The following SHC2 variants were observed in gnomAD, a reference collection of about 807,000 sequenced individuals.
SHC2 encodes SHC adaptor protein 2.
A neutral mutation model predicts 60.6 loss-of-function variants in SHC2; 62 were observed. The observed-to-expected ratio is 1.02, with a 90% CI of 0.83 to 1.26. The LOEUF (loss-of-function observed/expected upper bound fraction) is 1.26, where lower values mean the gene tolerates loss of function less well. Ranked by LOEUF, SHC2 falls within the 50% of genes most tolerant of loss-of-function variation. The pLI is 0.00. For synonymous variants in SHC2, 375 were observed against 372.4 expected, an observed-to-expected ratio of 1.01 and a Z score of -0.08; for missense variants, 873 against 822.2, an observed-to-expected ratio of 1.06 and a Z score of -0.76.
rs752251911 is a variant in SHC2, at chr19:441,976, G to A, written c.469-1044C>T. The stretch of plus-strand genomic sequence containing the variant: ...CGGCCCAGGCTCTGCCCCTCTCCAC[G>A]GCTCCATGTACCTGGAGCAGGGAGA... On this transcript the variant is annotated intron_variant, in intron 1 of 12. Coordinates refer to ENST00000264554, the MANE Select transcript of SHC2 (RefSeq NM_012435.3). The surrounding 1 kb of genome is among the most constrained non-coding windows in gnomAD (Gnocchi z 4.9). Among the ~76,000 whole-genome samples, 1 of 152,168 alleles carries A rather than the reference G, an allele frequency of 6.6e-6. No individual in the cohort carries two copies. The highest frequency in any genetic ancestry group is 2.4e-5 in the African/African-American group (1 of 41,438).
At position 434,813 on chromosome 19, in the gene SHC2, GCTCCAAAGAGTC is replaced by G. The variant is rs781534731; in HGVS notation, c.994_1005del (p.Asp332_Glu335del). The G allele has an allele frequency of 1.2e-6, 2 of 1,612,810 alleles. No homozygotes were observed. The highest frequency in any genetic ancestry group is 2.2e-5 in the South Asian group (2 of 91,078). ...CCCGGGATGCTGTTGTAGTAATTGT[GCTCCAAAGAGTC>G]CTCCTCGTCCCCCCAGGCCGACTCC... On this transcript the variant is annotated inframe_deletion, in exon 8 of 13. Transcript: ENST00000264554.
chr19:437,100 G>A lies in SHC2; in HGVS notation c.721-417C>T, dbSNP rs73507727. Among the ~76,000 whole-genome samples the A allele has an allele frequency of 5.0e-3, 768 of 152,232 alleles. 6 individuals are homozygous for A. The highest frequency in any genetic ancestry group is 0.016 in the African/African-American group (678 of 41,554). On this transcript the variant is annotated intron_variant, in intron 4 of 12. Coordinates refer to ENST00000264554, the MANE Select transcript of SHC2 (RefSeq NM_012435.3). The stretch of plus-strand genomic sequence containing the variant: ...CCACACTCCTGACTCCCTTGTCCAC[G>A]TGCAAGGGCACCTGTGAGTGCATTT...
rs1019710760 is a variant in SHC2, at chr19:446,242, C to T, written c.469-5310G>A. ...AGCCCTGCCCACACCTTGGCTCGGACGTTGGGCCCCAGAACTGTGACAGAA... is the reference window on the plus strand; with the variant it reads ...AGCCCTGCCCACACCTTGGCTCGGATGTTGGGCCCCAGAACTGTGACAGAA... On this transcript the variant is annotated intron_variant, in intron 1 of 12. Transcript: ENST00000264554. This position sits in a 1 kb window ranked among gnomAD's most constrained non-coding sequence, Gnocchi z 5.4. Among the ~76,000 whole-genome samples, 10 of 152,186 alleles carry T rather than the reference C, an allele frequency of 6.6e-5. No individual in the cohort carries two copies. Among genetic ancestry groups the T allele is most frequent in the African/African-American group, 7.2e-5 (3 of 41,546 alleles).
intron 1 of SHC2, among the ~76,000 whole-genome samples, chr19:449,579 G>C (rs545532687): frequency 6.6e-6 from 1 of 152,226 alleles, no homozygotes; most frequent in African/African-American, 2.4e-5. Context: ...TTTGAGGGTA[G>C]AGGGGTATCA....
intron 11 of SHC2, among the ~76,000 whole-genome samples, chr19:421,371 GC>G: frequency 6.9e-6 from 1 of 144,202 alleles, no homozygotes; most frequent in Admixed American, 7.2e-5. Flanking sequence ...TTGCATTCCA[GC>G]CGGGGCAACA....
At position 425,693 on chromosome 19, in the gene SHC2, TTTCC is replaced by T. The variant is rs1291214734; in HGVS notation, c.1175-466_1175-463del. 1.3e-5 allele frequency among the ~76,000 whole-genome samples: 2 copies of T among 152,164 alleles called. No individual in the cohort carries two copies. The highest frequency in any genetic ancestry group is 2.4e-5 in the African/African-American group (1 of 41,442). ...TTCTGACTCAGTTCTATTTCAGGAT[TTTCC>T]TTCCTTTCTTTTTTTAATTGTATTT... is the stretch of plus-strand genomic sequence containing the variant. On this transcript the variant is annotated intron_variant, in intron 9 of 12. Coordinates refer to ENST00000264554, the MANE Select transcript of SHC2 (RefSeq NM_012435.3). This position sits in a 1 kb window ranked among gnomAD's most constrained non-coding sequence, Gnocchi z 4.1.
intron 4 of SHC2, among the ~76,000 whole-genome samples, chr19:437,769 C>G (rs977876823): frequency 6.6e-6 from 1 of 152,054 alleles, no homozygotes; most frequent in Non-Finnish European, 1.5e-5. Context: ...TGCTGTCTCA[C>G]CCCAAACTCC....
At chr19:443,332 GGGTGGATGGATGTGTA>G (rs1974957384) in intron 1 of SHC2, among the ~76,000 whole-genome samples, 2 of 131,066 alleles carry the variant, frequency 1.5e-5, no homozygotes, top group South Asian at 2.2e-4. Flanking sequence ...ATGGATGGAT[GGGTGGATGGATGTGTA>G]GGTGGATGGG....
rs1405895167 is a variant in SHC2, at chr19:424,445, C to T, written c.1309+652G>A. On this transcript the variant is annotated intron_variant, in intron 10 of 12. Transcript: ENST00000264554. This position sits in a 1 kb window ranked among gnomAD's most constrained non-coding sequence, Gnocchi z 4.5. ...TCACGTGAAGAGAAAACTCATCAGA[C>T]TAGGGAGACCCAGAGTCAGCGTGCA... Among the ~76,000 whole-genome samples, 1 of 152,044 alleles carries T rather than the reference C, an allele frequency of 6.6e-6. No homozygotes were observed. The highest frequency in any genetic ancestry group is 1.5e-5 in the Non-Finnish European group (1 of 68,000).
At position 425,217 on chromosome 19, in the gene SHC2, C is replaced by T. The variant is rs772744120; in HGVS notation, c.1189G>A (p.Gly397Ser). ...GSTGTAPPGDGYVQADARGPP... is the reference protein window; with the variant it reads ...GSTGTAPPGDSYVQADARGPP... ...CCCCGGGCGTCCGCCTGCACGTAGC[C>T]GTCCCCCGGTGGAGCTGGGGAGTGT... The change falls in exon 10 of 13, where the codon GGC becomes AGC. Residue 397 changes from glycine (G) to serine (S), a missense_variant. Coordinates refer to ENST00000264554, the MANE Select transcript of SHC2 (RefSeq NM_012435.3). The surrounding 1 kb of genome is among the most constrained non-coding windows in gnomAD (Gnocchi z 4.1). The T allele has an allele frequency of 4.5e-6, 6 of 1,337,144 alleles. 1 individual carries two copies. The South Asian group carries it at 7.3e-5, about 16-fold the overall frequency. 82.8% of individuals were successfully genotyped at this position (1,337,144 alleles called of 1,614,324 possible). A position where few individuals can be genotyped will look rare whatever the true frequency, so the allele number is the denominator to read the frequency against.
At chr19:448,012 G>A (rs958428419) in intron 1 of SHC2, among the ~76,000 whole-genome samples, 11 of 152,208 alleles carry the variant, frequency 7.2e-5, no homozygotes, top group African/African-American at 1.4e-4. Context: ...AAGGAAGACC[G>A]GATGCCGGGG....
At chr19:439,783 G>A (rs1430511609) in intron 2 of SHC2, among the ~76,000 whole-genome samples, 1 of 152,044 alleles carries the variant, frequency 6.6e-6, no homozygotes, top group Non-Finnish European at 1.5e-5. Flanking sequence ...CCCAACACTT[G>A]GGGAGGCTGA....
chr19:451,807 G>T (rs1219834015), intron 1 of SHC2, among the ~76,000 whole-genome samples: 1 of 152,148 alleles, frequency 6.6e-6, no homozygotes, highest in East Asian at 1.9e-4. Context: ...CATGTTGACA[G>T]GCTGGTGTCG....
chr19:423,779 G>A (rs563408215), intron 10 of SHC2, among the ~76,000 whole-genome samples: 7 of 152,338 alleles, frequency 4.6e-5, no homozygotes, highest in Admixed American at 6.5e-5. Flanking sequence ...GGACGAGCAC[G>A]TGGCGAATCA....
chr19:419,011 C>T lies in SHC2; in HGVS notation c.1666G>A (p.Asp556Asn), dbSNP rs761490164. ...VLFESISHLI[D>N]HHLQNGQPIV... Reference sequence around the variant, plus strand: ...GGCTGCCCGTTCTGCAGGTGGTGGTCGATCAGGTGGCTGATGCTCTCAAAC... The same window carrying T: ...GGCTGCCCGTTCTGCAGGTGGTGGTTGATCAGGTGGCTGATGCTCTCAAAC... The change falls in exon 12 of 13, where the codon GAC (aspartate) becomes AAC (asparagine). Residue 556 changes from aspartate to asparagine, a missense_variant. By Grantham distance (23) the Asp-to-Asn change is conservative (BLOSUM62 1). Coordinates refer to ENST00000264554, the MANE Select transcript of SHC2 (RefSeq NM_012435.3). 1.3e-6 allele frequency: 2 copies of T among 1,587,064 alleles called. No homozygotes were observed. Among genetic ancestry groups the T allele is most frequent in the South Asian group, 1.2e-5 (1 of 86,810 alleles).
chr19:447,338 C>T (rs974575708), intron 1 of SHC2, among the ~76,000 whole-genome samples: 2 of 152,182 alleles, frequency 1.3e-5, no homozygotes, highest in African/African-American at 2.4e-5. Context: ...TGAGGGCAGG[C>T]GATAAGTTTC....
At chr19:437,230 G>A (rs141349157) in intron 4 of SHC2, among the ~76,000 whole-genome samples, 6 of 152,114 alleles carry the variant, frequency 3.9e-5, no homozygotes, top group African/African-American at 7.2e-5. Flanking sequence ...CTGCGTGCTC[G>A]TTTGCGAGCT....
At chr19:455,533 A>G (rs1975321928) in intron 1 of SHC2, among the ~76,000 whole-genome samples, 1 of 152,200 alleles carries the variant, frequency 6.6e-6, no homozygotes, top group African/African-American at 2.4e-5. Context: ...CCGGCGTCCA[A>G]CTTCTCTCCC....
rs189665634 is a variant in SHC2 at position 453,766 on chromosome 19, G to C, written c.468+6763C>G. Among the ~76,000 whole-genome samples, 2 of 152,126 alleles carry C rather than the reference G, an allele frequency of 1.3e-5. No individual in the cohort carries two copies. Among genetic ancestry groups the C allele is most frequent in the African/African-American group, 4.8e-5 (2 of 41,410 alleles). On this transcript the variant is annotated intron_variant, in intron 1 of 12. Transcript: ENST00000264554. The surrounding 1 kb of genome is among the most constrained non-coding windows in gnomAD (Gnocchi z 6.3). ...AGGATGAAGTGTCATTTTGCCGACC[G>C]TGTCCCAGTTTGCGTCCATCCCCCA...
Sources: gnomAD v4.1 joint callset for allele counts (sites outside exome capture counted in the v4.1 genomes callset) on GRCh38, gnomAD v4.1.1 for gene constraint, Gnocchi (gnomAD v3.1) non-coding constraint, MANE v1.5 for transcripts, NCBI Gene and HGNC (gene_info 2026-07-23, HGNC 2026-07-21) for gene names.